The following SPTB variants were observed in gnomAD, a reference collection of about 807,000 sequenced individuals.
SPTB encodes the protein spectrin beta chain, erythrocytic.
Under a neutral mutation model 256.2 loss-of-function variants are expected in SPTB, and 45 were observed. The ratio of observed to expected loss-of-function variants is 0.18; its 90% confidence interval spans 0.14 to 0.23. The LOEUF is 0.23. SPTB is among the 10% of genes least tolerant of loss of function. The pLI is 1.00. For synonymous variants in SPTB, 1,231 were observed against 1,243.1 expected (o/e 0.99, Z 0.21); for missense variants, 2,715 against 3,040.4 (o/e 0.89, Z 2.52).
intron 31 of SPTB, 37 bp downstream of exon 31, chr14:64,767,266 G>A: frequency 6.2e-7 from 1 of 1,613,114 alleles, no homozygotes. Context: ...CCACTTGGCA[G>A]AGCATTCAGC....
At position 64,758,818 on chromosome 14, in the gene SPTB, G is replaced by A. The variant is rs937657533; in HGVS notation, c.6346-5025C>T. Among the ~76,000 whole-genome samples the A allele has an allele frequency of 3.3e-5, 5 of 152,164 alleles. No individual in the cohort carries two copies. Among genetic ancestry groups the A allele is most frequent in the African/African-American group, 1.2e-4 (5 of 41,440 alleles). ...GGGTGTGGGAGCCTGACACAGCCCT[G>A]CAAGTATGTGAGTGTGTATGTGTAT... On this transcript the variant is annotated intron_variant, in intron 32 of 35. Transcript: ENST00000644917. The surrounding 1 kb of genome is among the most constrained non-coding windows in gnomAD (Gnocchi z 4.6).
At chr14:64,787,225 G>A in intron 15 of SPTB, 65 bp from the exon 16 acceptor site, 1 of 1,588,314 alleles carries the variant, frequency 6.3e-7, no homozygotes, top group South Asian at 1.1e-5. Context: ...CTTCCCATAG[G>A]AGACCCTGAC....
At chr14:64,855,704 A>G (rs975555964) in intron 1 of SPTB, among the ~76,000 whole-genome samples, 1 of 152,204 alleles carries the variant, frequency 6.6e-6, no homozygotes, top group Non-Finnish European at 1.5e-5. Flanking sequence ...GAACCACAAA[A>G]TTCATGAAAA....
intron 2 of SPTB, among the ~76,000 whole-genome samples, chr14:64,809,293 T>G (rs2083044710): frequency 1.3e-5 from 2 of 148,298 alleles, no homozygotes; most frequent in South Asian, 4.2e-4. Flanking sequence ...AGGCCAAAGC[T>G]TATTCAGGGG....
At chr14:64,863,320 A>G (rs1881967862) in intron 1 of SPTB, among the ~76,000 whole-genome samples, 1 of 152,206 alleles carries the variant, frequency 6.6e-6, no homozygotes, top group African/African-American at 2.4e-5. Flanking sequence ...AAAAAATTGC[A>G]AAAGATTCTC....
At position 64,759,917 on chromosome 14, in the gene SPTB, G is replaced by T. The variant is rs922338806; in HGVS notation, c.6346-6124C>A. Among the ~76,000 whole-genome samples, 1 of 152,214 alleles carries T rather than the reference G, an allele frequency of 6.6e-6. No individual in the cohort carries two copies. Among genetic ancestry groups the T allele is most frequent in the African/African-American group, 2.4e-5 (1 of 41,448 alleles). On this transcript the variant is annotated intron_variant, in intron 32 of 35. Coordinates refer to ENST00000644917, the MANE Select transcript of SPTB (RefSeq NM_001355436.2). The surrounding 1 kb of genome is among the most constrained non-coding windows in gnomAD (Gnocchi z 4.8). ...TGCAGAGTGGGCTGAATAAGGGAAG[G>T]CACTGCCTTTAGTCCTCTGGTTTGG...
chr14:64,822,027 T>C (rs2083295706), intron 2 of SPTB, among the ~76,000 whole-genome samples: 1 of 151,450 alleles, frequency 6.6e-6, no homozygotes, highest in South Asian at 2.1e-4. Flanking sequence ...CTCCAGAAAG[T>C]GTTTATGGGG....
chr14:64,870,155 C>T (rs1882444054), intron 1 of SPTB, among the ~76,000 whole-genome samples: 1 of 152,058 alleles, frequency 6.6e-6, no homozygotes, highest in South Asian at 2.1e-4. Context: ...AAGGAGGAAG[C>T]AATCAGCGCT....
rs1175289912 is a variant in SPTB, at chr14:64,823,276, C to T, written c.-51-131G>A. The stretch of plus-strand genomic sequence containing the variant: ...CAGAACGCCATGTCATCTGCCTGGG[C>T]GTGCTTCCTACCAGGGTCTCTGGGT... On this transcript the variant is annotated intron_variant, in intron 1 of 35. Coordinates refer to ENST00000644917, the MANE Select transcript of SPTB (RefSeq NM_001355436.2). This position sits in a 1 kb window ranked among gnomAD's most constrained non-coding sequence, Gnocchi z 6.5. 1.3e-5 allele frequency: 9 copies of T among 714,948 alleles called. No individual in the cohort carries two copies. Among genetic ancestry groups the T allele is most frequent in the East Asian group, 5.5e-5 (2 of 36,424 alleles). The allele number at this position is 714,948 out of a possible 1,614,324, so 44.3% of individuals were successfully genotyped here.
rs143050053 is a variant in SPTB, at chr14:64,858,201, G to A, written c.-52+21591C>T. 1.3e-3 allele frequency among the ~76,000 whole-genome samples: 198 copies of A among 152,262 alleles called. 1 individual carries two copies. Among genetic ancestry groups the A allele is most frequent in the African/African-American group, 4.4e-3 (182 of 41,534 alleles). On this transcript the variant is annotated intron_variant, in intron 1 of 35. Coordinates refer to ENST00000644917, the MANE Select transcript of SPTB (RefSeq NM_001355436.2). Reference sequence around the variant, plus strand: ...TCTACTACAAATGAAGTCACCTCACGAGGAACGGAAATTTACTACTCACGG... The same window carrying A: ...TCTACTACAAATGAAGTCACCTCACAAGGAACGGAAATTTACTACTCACGG...
At chr14:64,821,788 C>T (rs1351760582) in intron 2 of SPTB, among the ~76,000 whole-genome samples, 1 of 152,112 alleles carries the variant, frequency 6.6e-6, no homozygotes, top group Non-Finnish European at 1.5e-5. Context: ...GATTCCTTGT[C>T]ATGACAAGGG....
At chr14:64,791,990 G>C in intron 14 of SPTB, 134 bp from the exon 15 acceptor site, 1 of 1,241,714 alleles carries the variant, frequency 8.1e-7, no homozygotes, top group Non-Finnish European at 1.1e-6. Context: ...GCCCAGGTGA[G>C]GCAGGAGGAA....
rs369065941 is a variant in SPTB at position 64,802,179 on chromosome 14, C to T, written c.566+47G>A. ...TGGAGATGGCAGTGCTTGTGCGGAG[C>T]AAGGGGCTGGTGGTGGATGTGCTAA... On this transcript the variant is annotated intron_variant, in intron 5 of 35. Coordinates refer to ENST00000644917, the MANE Select transcript of SPTB (RefSeq NM_001355436.2). This position sits in a 1 kb window ranked among gnomAD's most constrained non-coding sequence, Gnocchi z 5.1. 2.5e-6 allele frequency: 4 copies of T among 1,571,992 alleles called. No individual in the cohort carries two copies. In the African/African-American group the frequency reaches 5.4e-5, roughly 21 times the overall value.
chr14:64,761,281 G>T (rs2139454557), intron 32 of SPTB, among the ~76,000 whole-genome samples: 1 of 152,324 alleles, frequency 6.6e-6, no homozygotes, highest in African/African-American at 2.4e-5. Context: ...AGAAGAAAAA[G>T]AAATGGTTTG....
At chr14:64,804,308 C>G (rs2139639961) in intron 3 of SPTB, among the ~76,000 whole-genome samples, 1 of 152,306 alleles carries the variant, frequency 6.6e-6, no homozygotes, top group Non-Finnish European at 1.5e-5. Context: ...GTTGAAAAGG[C>G]AATATTTCAT....
intron 1 of SPTB, among the ~76,000 whole-genome samples, chr14:64,830,153 G>A (rs1270388731): frequency 1.3e-5 from 2 of 151,676 alleles, no homozygotes; most frequent in Non-Finnish European, 2.9e-5. Context: ...TCATGTATCT[G>A]TCTGTTTCCT....
Position 64,786,859 on chromosome 14 carries a change from G to C in SPTB, c.3106C>G (p.Gln1036Glu). Residue 1036 changes from glutamine (Q) to glutamate (E), a missense_variant, in exon 16 of 36, where the codon CAA becomes GAA. Transcript: ENST00000644917. This position sits in a 1 kb window ranked among gnomAD's most constrained non-coding sequence, Gnocchi z 5.6. ...TGCCACAGCTCCTCCAAGTGTTTTT[G>C]CCGCTGACCAATATCCTCCTTCTGC... is the stretch of plus-strand genomic sequence containing the variant. Reference protein sequence around the residue: ...PEQKEDIGQRQKHLEELWQGL... With the variant: ...PEQKEDIGQREKHLEELWQGL... 6.2e-7 allele frequency: 1 copy of C among 1,613,260 alleles called. No homozygotes were observed. Among genetic ancestry groups the C allele is most frequent in the Non-Finnish European group, 8.5e-7 (1 of 1,180,024 alleles).
chr14:64,753,939 G>T, intron 32 of SPTB, 146 bp from the exon 33 acceptor site: 2 of 1,074,914 alleles, frequency 1.9e-6, no homozygotes, highest in Non-Finnish European at 1.4e-6. Flanking sequence ...GCCCACCCTG[G>T]CTCTCCCACA....
chr14:64,810,501 GA>G (rs1397667998), intron 2 of SPTB, among the ~76,000 whole-genome samples: 1 of 152,150 alleles, frequency 6.6e-6, no homozygotes, highest in Non-Finnish European at 1.5e-5. Context: ...CCAATATGAT[GA>G]AACGCCGTCT....
Sources: gnomAD v4.1 joint callset for allele counts (sites outside exome capture counted in the v4.1 genomes callset) on GRCh38, gnomAD v4.1.1 for gene constraint, Gnocchi (gnomAD v3.1) non-coding constraint, MANE v1.5 for transcripts, NCBI Gene and HGNC (gene_info 2026-07-23, HGNC 2026-07-21) for gene names.